IRF2: variants seen among roughly 807,000 people sequenced by gnomAD.
The protein encoded by IRF2 is interferon regulatory factor 2.
IRF2 carries 15 observed loss-of-function variants against 40.6 expected under a neutral mutation model. The ratio of observed to expected loss-of-function variants is 0.37; its 90% CI spans 0.25 to 0.57. The LOEUF (loss-of-function observed/expected upper bound fraction) is 0.57. Ranked by LOEUF, IRF2 falls within the 20% of genes least tolerant of loss-of-function variation. The pLI is 0.77. For synonymous variants in IRF2, 151 were observed against 165.5 expected, an observed-to-expected ratio of 0.91 and a Z score of 0.67; for missense variants, 317 against 455.7, an observed-to-expected ratio of 0.70 and a Z score of 2.77.
At chr4:184,458,325 T>G (rs1739018622) in intron 1 of IRF2, among the ~76,000 whole-genome samples, 1 of 152,360 alleles carries the variant, frequency 6.6e-6, no homozygotes, top group South Asian at 2.1e-4. Context: ...GAATGGTTAT[T>G]TACCTGCTTG....
intron 7 of IRF2, among the ~76,000 whole-genome samples, chr4:184,394,602 C>T (rs968261723): frequency 6.6e-6 from 1 of 152,184 alleles, no homozygotes; most frequent in Non-Finnish European, 1.5e-5. Context: ...GATTCAAAGC[C>T]TTTACTGATG....
chr4:184,436,000 CAG>C (rs1400303860), intron 1 of IRF2, among the ~76,000 whole-genome samples: 3 of 145,398 alleles, frequency 2.1e-5, no homozygotes, highest in African/African-American at 5.2e-5. Context: ...TTTTTTGAGA[CAG>C]AGTCTCGCTC....
chr4:184,460,776 G>A (rs1443867196), intron 1 of IRF2, among the ~76,000 whole-genome samples: 3 of 151,982 alleles, frequency 2.0e-5, no homozygotes, highest in African/African-American at 7.3e-5. Context: ...TCCCCTTCAA[G>A]GCAATGTCTT....
chr4:184,426,355 C>G (rs1458249464), intron 2 of IRF2, among the ~76,000 whole-genome samples: 1 of 152,196 alleles, frequency 6.6e-6, no homozygotes, highest in Non-Finnish European at 1.5e-5. Flanking sequence ...AGGATCCTTC[C>G]TCGCCTCTTC....
chr4:184,442,914 G>C (rs1265712487), intron 1 of IRF2, among the ~76,000 whole-genome samples: 4 of 149,590 alleles, frequency 2.7e-5, no homozygotes, highest in Non-Finnish European at 6.0e-5. Flanking sequence ...TGGGGGCAGC[G>C]GGGTGGGAGG....
At position 184,388,983 on chromosome 4, in the gene IRF2, G is replaced by C. The variant is rs145867709; in HGVS notation, c.825C>G (p.Pro275=). 1 of 1,614,060 alleles carries C rather than the reference G, an allele frequency of 6.2e-7. No homozygotes were observed. Among genetic ancestry groups the C allele is most frequent in the African/African-American group, 1.3e-5 (1 of 74,922 alleles). ...TGGAAGTGACGAAGGACGCCATGCC[G>C]GGCAGCAGGTAGGAGCCTCGAGTCC... ...NMGTRGSYLL[P]GMASFVTSNK... The change falls in exon 9 of 9, where the codon CCC becomes CCG. Residue 275 remains proline, a synonymous_variant. Transcript: ENST00000393593. The surrounding 1 kb of genome is among the most constrained non-coding windows in gnomAD (Gnocchi z 4.6).
intron 1 of IRF2, among the ~76,000 whole-genome samples, chr4:184,439,200 AATG>A (rs1462356605): frequency 1.3e-5 from 2 of 152,078 alleles, no homozygotes; most frequent in African/African-American, 4.8e-5. Context: ...TTTCAGGATG[AATG>A]ATGAGGCAGG....
chr4:184,465,987 C>T (rs1739302547), intron 1 of IRF2, among the ~76,000 whole-genome samples: 4 of 152,078 alleles, frequency 2.6e-5, no homozygotes, highest in African/African-American at 9.7e-5. Context: ...CTCAGTGCCC[C>T]ACTCAGTGAC....
chr4:184,440,429 G>T (rs981873779), intron 1 of IRF2, among the ~76,000 whole-genome samples: 1 of 152,354 alleles, frequency 6.6e-6, no homozygotes, highest in East Asian at 1.9e-4. Flanking sequence ...GGGCAGCAAC[G>T]TTAACATGGG....
rs530074564 is a variant in IRF2 at position 184,449,643 on chromosome 4, C to T, written c.-6-20573G>A. On this transcript the variant is annotated intron_variant, in intron 1 of 8. Coordinates refer to ENST00000393593, the MANE Select transcript of IRF2 (RefSeq NM_002199.4). ...AAGGATGAACTGCCATCAAAAGAAG[C>T]GTGCACCAATGCGTGGGAAATGCCA... Among the ~76,000 whole-genome samples, 256 of 152,308 alleles carry T rather than the reference C, an allele frequency of 1.7e-3. 1 individual carries two copies. Among genetic ancestry groups the T allele is most frequent in the African/African-American group, 5.9e-3 (247 of 41,560 alleles).
chr4:184,409,211 G>C (rs1736980714), intron 5 of IRF2, among the ~76,000 whole-genome samples: 1 of 152,186 alleles, frequency 6.6e-6, no homozygotes, highest in Non-Finnish European at 1.5e-5. Context: ...TGGAAGCAGA[G>C]GATCATGCAA....
In IRF2 at chr4:184,389,064, C is replaced by G; in HGVS notation, c.744G>C (p.Gly248=). 4 of 1,613,618 alleles carry G rather than the reference C, an allele frequency of 2.5e-6. No homozygotes were observed. The highest frequency in any genetic ancestry group is 3.4e-6 in the Non-Finnish European group (4 of 1,179,724). The part of the protein sequence containing the change: ...SVPSDEESAE[G]RPHWRKRNIE... ...TATTCCTCTTCCGCCAGTGTGGCCG[C>G]CCCTTTCAAGAAAGTAATTAAGATA... The change falls in exon 9 of 9, where the codon GGG becomes GGC. Residue 248 remains glycine, a splice_region_variant and synonymous_variant. Coordinates refer to ENST00000393593, the MANE Select transcript of IRF2 (RefSeq NM_002199.4).
At chr4:184,439,404 T>C (rs942408535) in intron 1 of IRF2, among the ~76,000 whole-genome samples, 1 of 151,756 alleles carries the variant, frequency 6.6e-6, no homozygotes. Context: ...CCGGGAATTT[T>C]TTTTATTATC....
intron 1 of IRF2, among the ~76,000 whole-genome samples, chr4:184,463,614 G>A (rs1194760878): frequency 6.6e-6 from 1 of 151,736 alleles, no homozygotes; most frequent in Non-Finnish European, 1.5e-5. Flanking sequence ...TATACATGTG[G>A]CTCACATTAT....
At position 184,408,868 on chromosome 4, in the gene IRF2, C is replaced by T. The variant is rs1736967447; in HGVS notation, c.412-593G>A. On this transcript the variant is annotated intron_variant, in intron 5 of 8. Transcript: ENST00000393593. The surrounding 1 kb of genome is among the most constrained non-coding windows in gnomAD (Gnocchi z 4.9). The stretch of plus-strand genomic sequence containing the variant: ...CTGAGTCCAGCCGGGCAACCCCACA[C>T]CATGGGCTTTACATAAATGCCCTTC... 6.6e-6 allele frequency among the ~76,000 whole-genome samples: 1 copy of T among 152,252 alleles called. No individual in the cohort carries two copies. Among genetic ancestry groups the T allele is most frequent in the Admixed American group, 6.5e-5 (1 of 15,286 alleles).
intron 1 of IRF2, among the ~76,000 whole-genome samples, chr4:184,455,099 T>C (rs1029232823): frequency 3.3e-5 from 5 of 152,126 alleles, no homozygotes; most frequent in South Asian, 2.1e-4. Flanking sequence ...AATCCTTCCA[T>C]GGTTCCACAA....
chr4:184,454,643 C>G (rs1366801608), intron 1 of IRF2, among the ~76,000 whole-genome samples: 2 of 152,156 alleles, frequency 1.3e-5, no homozygotes, highest in South Asian at 2.1e-4. Flanking sequence ...CTCTGCCAAC[C>G]CCTCCCAGGA....
chr4:184,460,655 ACATG>A (rs1321081620), intron 1 of IRF2, among the ~76,000 whole-genome samples: 2 of 134,902 alleles, frequency 1.5e-5, no homozygotes, highest in African/African-American at 5.3e-5. Context: ...ACACACACAC[ACATG>A]CACGCGCACA....
intron 1 of IRF2, among the ~76,000 whole-genome samples, chr4:184,473,205 G>A (rs1223497523): frequency 2.6e-5 from 4 of 151,334 alleles, no homozygotes; most frequent in African/African-American, 9.7e-5. Context: ...CCCGGCGCCC[G>A]GAGCCGGGTC....
Sources: gnomAD v4.1 joint callset for allele counts (sites outside exome capture counted in the v4.1 genomes callset) on GRCh38, gnomAD v4.1.1 for gene constraint, Gnocchi (gnomAD v3.1) non-coding constraint, MANE v1.5 for transcripts, NCBI Gene and HGNC (gene_info 2026-07-23, HGNC 2026-07-21) for gene names.